The following EPHA3 variants were observed in gnomAD, a reference collection of about 807,000 sequenced individuals.
EPHA3 encodes EPH receptor A3.
A neutral mutation model predicts 107.1 loss-of-function variants in EPHA3; 42 were observed. The ratio of observed to expected loss-of-function variants is 0.39; its 90% CI spans 0.31 to 0.51. The LOEUF (loss-of-function observed/expected upper bound fraction) is 0.51, where lower values mean the gene tolerates loss of function less well. EPHA3 is among the 20% of genes least tolerant of loss of function. The pLI is 0.78. For missense variants in EPHA3, 1,183 were observed against 1,211.2 expected (o/e 0.98, Z 0.35); for synonymous variants, 461 against 424.8 (o/e 1.09, Z -1.05).
intron 3 of EPHA3, among the ~76,000 whole-genome samples, chr3:89,229,521 T>G (rs903634893): frequency 6.6e-6 from 1 of 151,212 alleles, no homozygotes; most frequent in African/African-American, 2.4e-5. Context: ...AAATTTTATT[T>G]TAATTAAAAT....
At chr3:89,168,160 T>C (rs1705120582) in intron 2 of EPHA3, among the ~76,000 whole-genome samples, 1 of 152,180 alleles carries the variant, frequency 6.6e-6, no homozygotes, top group South Asian at 2.1e-4. Flanking sequence ...AGGTAAATTA[T>C]GCATAATTAT....
intron 13 of EPHA3, among the ~76,000 whole-genome samples, chr3:89,447,085 A>G (rs1709890111): frequency 2.0e-5 from 3 of 152,134 alleles, no homozygotes; most frequent in Admixed American, 1.3e-4. Flanking sequence ...TGTCGATGTC[A>G]AGGGGTAGTA....
At chr3:89,177,862 C>A (rs1705353154) in intron 2 of EPHA3, among the ~76,000 whole-genome samples, 3 of 152,050 alleles carry the variant, frequency 2.0e-5, no homozygotes, top group Admixed American at 2.0e-4. Flanking sequence ...TCGTTTTATT[C>A]TCTCCTATTT....
intron 12 of EPHA3, among the ~76,000 whole-genome samples, chr3:89,429,849 C>T (rs758212632): frequency 1.3e-5 from 2 of 152,026 alleles, no homozygotes; most frequent in Non-Finnish European, 2.9e-5. Flanking sequence ...CTGCAATCCC[C>T]GCCTGCTGGG....
At chr3:89,293,228 G>C (rs1364355787) in intron 3 of EPHA3, among the ~76,000 whole-genome samples, 1 of 151,892 alleles carries the variant, frequency 6.6e-6, no homozygotes, top group Non-Finnish European at 1.5e-5. Context: ...AAAGTTCTTT[G>C]TATTTTCTAA....
rs1432367472 is a variant in EPHA3, at chr3:89,478,064, C to A, written c.2847-1333C>A. Among the ~76,000 whole-genome samples the A allele has an allele frequency of 3.3e-5, 5 of 152,194 alleles. No individual in the cohort carries two copies. In the East Asian group the frequency reaches 9.7e-4, roughly 29 times the overall value. ...TAGAGGGGGATGTTTGAGCATCTCT[C>A]AATCCTGAAAGACAGGAATATATGA... On this transcript the variant is annotated intron_variant, in intron 16 of 16. Transcript: ENST00000336596.
At chr3:89,156,624 A>AT (rs371058779) in intron 2 of EPHA3, among the ~76,000 whole-genome samples, 8 of 151,904 alleles carry the variant, frequency 5.3e-5, no homozygotes, top group Admixed American at 1.3e-4. Context: ...AGCGTTTGCC[A>AT]TTTTTTTTCT....
chr3:89,413,301 G>T, intron 10 of EPHA3, 35 bp downstream of exon 10: 1 of 1,609,946 alleles, frequency 6.2e-7, no homozygotes, highest in Non-Finnish European at 8.5e-7. Context: ...ACTTAGTACT[G>T]TATGTGAATC....
chr3:89,316,419 G>A (rs1418949143), intron 3 of EPHA3, among the ~76,000 whole-genome samples: 1 of 147,774 alleles, frequency 6.8e-6, no homozygotes, highest in Non-Finnish European at 1.5e-5. Context: ...TTTCACTAAC[G>A]CATTTTGACA....
At chr3:89,389,126 A>G (rs1314082460) in intron 5 of EPHA3, among the ~76,000 whole-genome samples, 2 of 152,164 alleles carry the variant, frequency 1.3e-5, no homozygotes, top group East Asian at 3.9e-4. Flanking sequence ...TACACTGCAA[A>G]TTGATAAGGT....
At chr3:89,325,905 T>G (rs1333367269) in intron 3 of EPHA3, among the ~76,000 whole-genome samples, 2 of 151,316 alleles carry the variant, frequency 1.3e-5, no homozygotes, top group East Asian at 3.9e-4. Flanking sequence ...TTAATATAAT[T>G]AAGATTTATA....
intron 5 of EPHA3, among the ~76,000 whole-genome samples, chr3:89,364,498 C>T (rs1279129815): frequency 6.6e-6 from 1 of 151,096 alleles, no homozygotes; most frequent in Non-Finnish European, 1.5e-5. Context: ...AGGCTGCAGA[C>T]AGGCAGAAAA....
At chr3:89,281,401 C>T (rs1174411340) in intron 3 of EPHA3, among the ~76,000 whole-genome samples, 3 of 152,126 alleles carry the variant, frequency 2.0e-5, no homozygotes, top group East Asian at 3.9e-4. Flanking sequence ...CCAAAAACCA[C>T]TAGCAGATTT....
At chr3:89,271,798 C>G (rs1226473104) in intron 3 of EPHA3, among the ~76,000 whole-genome samples, 3 of 151,768 alleles carry the variant, frequency 2.0e-5, no homozygotes, top group Non-Finnish European at 4.4e-5. Flanking sequence ...TGCCATCAAG[C>G]GAGTCACTTT....
At chr3:89,424,420 A>G (rs1461756629) in intron 11 of EPHA3, among the ~76,000 whole-genome samples, 1 of 151,466 alleles carries the variant, frequency 6.6e-6, no homozygotes, top group Non-Finnish European at 1.5e-5. Context: ...AAACCCACAA[A>G]TGTCACATTT....
chr3:89,368,876 T>A lies in EPHA3; in HGVS notation c.1306+26786T>A, dbSNP rs1466811106. 1.3e-5 allele frequency among the ~76,000 whole-genome samples: 2 copies of A among 150,512 alleles called. 1 individual carries two copies. The highest frequency in any genetic ancestry group is 3.0e-5 in the Non-Finnish European group (2 of 67,186). On this transcript the variant is annotated intron_variant, in intron 5 of 16. Transcript: ENST00000336596. ...GCAGTATGAGCATCCCTTAGCCCAG[T>A]CAAATTGACACATAAAATTAACCTT...
In EPHA3 at chr3:89,425,208, AC is replaced by A. The variant is rs1159321503; in HGVS notation, c.2075-3897del. ...TTTATAATGATTTAATAAGAAACCCACAAAAAAAAATACCCTAACTCAGCTC... is the reference window on the plus strand; with the variant it reads ...TTTATAATGATTTAATAAGAAACCCAAAAAAAAAATACCCTAACTCAGCTC... On this transcript the variant is annotated intron_variant, in intron 11 of 16. Coordinates refer to ENST00000336596, the MANE Select transcript of EPHA3 (RefSeq NM_005233.6). Among the ~76,000 whole-genome samples, 3 of 151,014 alleles carry A rather than the reference AC, an allele frequency of 2.0e-5. No homozygotes were observed. The East Asian group carries it at 5.8e-4, about 29-fold the overall frequency.
intron 2 of EPHA3, among the ~76,000 whole-genome samples, chr3:89,146,575 T>C (rs1477704463): frequency 1.3e-5 from 2 of 152,072 alleles, no homozygotes; most frequent in Non-Finnish European, 2.9e-5. Context: ...GCAAAAATTT[T>C]CTCCCATTCT....
intron 2 of EPHA3, among the ~76,000 whole-genome samples, chr3:89,175,005 T>C (rs906386692): frequency 3.9e-5 from 6 of 151,996 alleles, no homozygotes; most frequent in Admixed American, 6.6e-5. Context: ...ATAATACTTT[T>C]TCTGTTAAAC....
Sources: gnomAD v4.1 joint callset for allele counts (sites outside exome capture counted in the v4.1 genomes callset) on GRCh38, gnomAD v4.1.1 for gene constraint, MANE v1.5 for transcripts, NCBI Gene and HGNC (gene_info 2026-07-23, HGNC 2026-07-21) for gene names.